Variants in CFAP47 observed in about 807,000 individuals in gnomAD.
CFAP47 encodes the protein cilia and flagella associated protein 47.
In CFAP47, 29 loss-of-function variants were observed where a neutral mutation model predicts 148.1. The ratio of observed to expected loss-of-function variants is 0.20; its 90% CI spans 0.15 to 0.27. The LOEUF (loss-of-function observed/expected upper bound fraction) is 0.27. Among genes scored for constraint, CFAP47 ranks in the 10% least tolerant of loss-of-function variants. CFAP47 has a pLI of 1.00. For synonymous variants in CFAP47, 664 were observed against 577.3 expected (o/e 1.15, Z -2.15); for missense variants, 1,872 against 1,697.5 (o/e 1.10, Z -1.81).
intron 47 of CFAP47, 29 bp from the exon 48 acceptor site, chrX:36,236,656 TA>T: frequency 3.8e-6 from 2 of 519,760 alleles, no homozygotes; most frequent in Non-Finnish European, 7.0e-6. Flanking sequence ...ATGACTCCTA[TA>T]GACCTGAAAT....
rs782495915 is a variant in CFAP47 at position 36,274,921 on chromosome X, G to A, written c.7445-5566G>A. Among the ~76,000 whole-genome samples, 7 of 111,741 alleles carry A rather than the reference G, an allele frequency of 6.3e-5. No homozygotes were observed. The South Asian group carries it at 2.6e-3, about 42-fold the overall frequency. On this transcript the variant is annotated intron_variant, in intron 49 of 63. Transcript: ENST00000378653. ...CCTTGTCTTGTTTCTGATCTTAGAG[G>A]AAGAGCTTTCTGTCTTATACCTTAC...
intron 27 of CFAP47, among the ~76,000 whole-genome samples, chrX:36,068,553 CA>C (rs1229213275): frequency 9.0e-6 from 1 of 111,467 alleles, no homozygotes; most frequent in Non-Finnish European, 1.9e-5. Flanking sequence ...TTCTGAACAC[CA>C]AAAAATTATT....
At chrX:36,335,688 T>A (rs1941599260) in intron 57 of CFAP47, among the ~76,000 whole-genome samples, 1 of 111,559 alleles carries the variant, frequency 9.0e-6, no homozygotes, top group African/African-American at 3.3e-5. Context: ...AGATTAGTGG[T>A]TGTAGTAATT....
At chrX:36,303,815 A>T (rs979360387) in intron 53 of CFAP47, 34 bp from the exon 54 acceptor site, 15 of 810,162 alleles carry the variant, frequency 1.9e-5, no homozygotes, top group Non-Finnish European at 2.6e-5. Flanking sequence ...GTTTATGAAT[A>T]CCAGCAACTT....
intron 57 of CFAP47, among the ~76,000 whole-genome samples, chrX:36,328,958 G>GAC (rs1556013595): frequency 9.0e-6 from 1 of 111,340 alleles, no homozygotes; most frequent in East Asian, 2.8e-4. Context: ...CCCAGTTTTA[G>GAC]ACACACAACT....
intron 30 of CFAP47, among the ~76,000 whole-genome samples, chrX:36,091,404 G>A (rs780960482): frequency 3.6e-5 from 4 of 111,192 alleles, no homozygotes; most frequent in Non-Finnish European, 5.7e-5. Flanking sequence ...ATGCCTCTGA[G>A]TTGTATGTTT....
intron 13 of CFAP47, among the ~76,000 whole-genome samples, chrX:35,973,331 A>C (rs1936521476): frequency 9.0e-6 from 1 of 110,572 alleles, no homozygotes; most frequent in Admixed American, 9.7e-5. Flanking sequence ...CTGGGACTAC[A>C]GGCATCCGCC....
intron 39 of CFAP47, among the ~76,000 whole-genome samples, chrX:36,166,015 A>G (rs1184420718): frequency 9.0e-6 from 1 of 111,284 alleles, no homozygotes; most frequent in African/African-American, 3.3e-5. Flanking sequence ...GACAAACTTC[A>G]GCCCATAACA....
intron 51 of CFAP47, among the ~76,000 whole-genome samples, chrX:36,293,199 C>T: frequency 9.0e-6 from 1 of 111,415 alleles, no homozygotes; most frequent in East Asian, 2.8e-4. Flanking sequence ...GGAAGTTCTC[C>T]TTTTATCCTG....
chrX:35,949,632 C>T lies in CFAP47; in HGVS notation c.656+1180C>T, dbSNP rs1389404052. On this transcript the variant is annotated intron_variant, in intron 4 of 63. Transcript: ENST00000378653. ...TTTACTTTTCAGATTCCTGGTGGAG[C>T]TGGCTGCAGCTTATTAAATTATCTT... Among the ~76,000 whole-genome samples, 3 of 111,568 alleles carry T rather than the reference C, an allele frequency of 2.7e-5. No individual in the cohort carries two copies. In the East Asian group the frequency reaches 8.4e-4, roughly 31 times the overall value.
intron 39 of CFAP47, among the ~76,000 whole-genome samples, chrX:36,172,752 A>G (rs1349071399): frequency 2.8e-4 from 31 of 111,556 alleles, no homozygotes; most frequent in African/African-American, 9.8e-4. Context: ...ATATTGGTCT[A>G]AAATTCTCTT....
chrX:36,364,164 A>G (rs1556019760), intron 61 of CFAP47, among the ~76,000 whole-genome samples: 1 of 111,014 alleles, frequency 9.0e-6, no homozygotes. Context: ...AGTATTGATC[A>G]TAAAATGGCT....
At chrX:36,173,336 T>G (rs1489274192) in intron 39 of CFAP47, among the ~76,000 whole-genome samples, 1 of 111,876 alleles carries the variant, frequency 8.9e-6, no homozygotes, top group African/African-American at 3.3e-5. Flanking sequence ...TCTTGCCTTC[T>G]GCTAGCTTTT....
chrX:36,176,898 C>T (rs1380327581), intron 39 of CFAP47, among the ~76,000 whole-genome samples: 4 of 111,094 alleles, frequency 3.6e-5, no homozygotes, highest in Non-Finnish European at 5.7e-5. Flanking sequence ...AGTGAGACTC[C>T]GTCTAAAAAA....
At chrX:36,166,162 C>T (rs1011949324) in intron 39 of CFAP47, among the ~76,000 whole-genome samples, 24 of 111,921 alleles carry the variant, frequency 2.1e-4, no homozygotes, top group Non-Finnish European at 4.0e-4. Context: ...TCATCTCACC[C>T]ACTTTATTTT....
chrX:35,981,943 G>T (rs1306828108), intron 15 of CFAP47, among the ~76,000 whole-genome samples: 1 of 111,535 alleles, frequency 9.0e-6, no homozygotes, highest in Non-Finnish European at 1.9e-5. Flanking sequence ...TGTTTAGGTT[G>T]ATTTCATGTG....
rs751832798 is a variant in CFAP47 at position 36,144,699 on chromosome X, A to G, written c.5536-520A>G. The G allele has an allele frequency of 3.9e-6, 4 of 1,024,913 alleles. No homozygotes were observed. The Admixed American group carries it at 1.0e-4, about 26-fold the overall frequency. The allele number at this position is 1,024,913 out of a possible 1,213,427, so 84.5% of individuals were successfully genotyped here. ...AACAAAGAGACAGAAGAAGGGGGAT[A>G]TTCAGTTTGCTTGTTTTTTTGTTTG... is the stretch of plus-strand genomic sequence containing the variant. On this transcript the variant is annotated intron_variant, in intron 35 of 63. Transcript: ENST00000378653.
chrX:36,334,457 A>G lies in CFAP47; in HGVS notation c.8444-13672A>G, dbSNP rs951426559. On this transcript the variant is annotated intron_variant, in intron 57 of 63. Transcript: ENST00000378653. The stretch of plus-strand genomic sequence containing the variant: ...TTCTAAATTATTCTAATTTTTATAT[A>G]AAGTTATACAATTTTACTTGTATTA... 9.0e-5 allele frequency among the ~76,000 whole-genome samples: 10 copies of G among 111,554 alleles called. No homozygotes were observed. In the East Asian group the frequency reaches 2.2e-3, roughly 25 times the overall value.
chrX:35,936,807 G>A (rs765286566), intron 2 of CFAP47, among the ~76,000 whole-genome samples: 5 of 110,489 alleles, frequency 4.5e-5, no homozygotes, highest in African/African-American at 1.6e-4. Context: ...GTCTTCTGCT[G>A]GTGCTTCCTG....
Sources: gnomAD v4.1 joint callset for allele counts (sites outside exome capture counted in the v4.1 genomes callset) on GRCh38, gnomAD v4.1.1 for gene constraint, MANE v1.5 for transcripts, NCBI Gene and HGNC (gene_info 2026-07-23, HGNC 2026-07-21) for gene names.